The following MDN1 variants were observed in gnomAD, a reference collection of about 807,000 sequenced individuals.
The protein encoded by MDN1 is midasin.
MDN1 carries 266 observed loss-of-function variants against 669.2 expected under a neutral mutation model. The observed-to-expected ratio is 0.40, with a 90% CI of 0.36 to 0.44. The LOEUF is 0.44. Among genes scored for constraint, MDN1 ranks in the 20% least tolerant of loss-of-function variants. The pLI, the probability that MDN1 is intolerant of heterozygous loss-of-function variation, is 1.00. For missense variants in MDN1, 5,940 were observed against 6,754.0 expected, an observed-to-expected ratio of 0.88 and a Z score of 4.22; for synonymous variants, 2,385 against 2,457.1, an observed-to-expected ratio of 0.97 and a Z score of 0.87.
In MDN1 at chr6:89,712,169, A is replaced by G. The variant is rs558325658; in HGVS notation, c.7518T>C (p.Asn2506=). The G allele has an allele frequency of 6.2e-7, 1 of 1,614,162 alleles. No homozygotes were observed. Among genetic ancestry groups the G allele is most frequent in the South Asian group, 1.1e-5 (1 of 91,086 alleles). ...ENLKFNAVEV[N]TYWIDEPDVL... ...CATCTGGTTCATCGATCCAGTAAGT[A>G]TTCACTTCGACTGCATTGAATTTCA... The change falls in exon 49 of 102, where the codon AAT becomes AAC. Residue 2506 remains asparagine (N), a synonymous_variant. Transcript: ENST00000369393.
chr6:89,712,044 T>G lies in MDN1; in HGVS notation c.7643A>C (p.Gln2548Pro), dbSNP rs1269067292. Residue 2548 changes from glutamine to proline, a missense_variant, in exon 49 of 102, where the codon CAG becomes CCG. By Grantham distance (76) the Gln-to-Pro change is moderately conservative (BLOSUM62 -1). This residue lies in a region of MDN1 where 2,292 missense variants were observed against 2,638.3 expected (regional missense o/e 0.87). Coordinates refer to ENST00000369393, the MANE Select transcript of MDN1 (RefSeq NM_014611.3). Reference sequence around the variant, plus strand: ...TAAGCTGTTCTACTCACCAAGCCCCTGCGGTATATTCTTGGCTAAATGATA... The same window carrying G: ...TAAGCTGTTCTACTCACCAAGCCCCGGCGGTATATTCTTGGCTAAATGATA... ...WLYHLAKNIP[Q>P]GLESIQIHLE... 2 of 1,613,504 alleles carry G rather than the reference T, an allele frequency of 1.2e-6. No individual in the cohort carries two copies. The highest frequency in any genetic ancestry group is 1.7e-6 in the Non-Finnish European group (2 of 1,179,562).
chr6:89,714,427 C>T, intron 46 of MDN1, 116 bp downstream of exon 46: 1 of 976,082 alleles, frequency 1.0e-6, no homozygotes, highest in Non-Finnish European at 1.5e-6. Flanking sequence ...AACAAGCTTT[C>T]CTGATAATTT....
chr6:89,762,295 T>C (rs769910592), intron 16 of MDN1, 24 bp downstream of exon 16: 68 of 1,593,108 alleles, frequency 4.3e-5, no homozygotes, highest in Non-Finnish European at 5.5e-5. Flanking sequence ...CCCTCCCCCA[T>C]GGCAGCCTGG....
At chr6:89,791,217 C>T (rs903171172) in intron 5 of MDN1, among the ~76,000 whole-genome samples, 2 of 152,048 alleles carry the variant, frequency 1.3e-5, no homozygotes, top group South Asian at 2.1e-4. Context: ...GAAGAGCAAA[C>T]CTCATCTATT....
At chr6:89,788,506 T>C (rs1167071635) in intron 7 of MDN1, among the ~76,000 whole-genome samples, 1 of 152,170 alleles carries the variant, frequency 6.6e-6, no homozygotes, top group Non-Finnish European at 1.5e-5. Flanking sequence ...CTAAAAGCCA[T>C]GGCACAAGAA....
At chr6:89,819,101 T>G (rs1427420726) in intron 1 of MDN1, among the ~76,000 whole-genome samples, 1 of 152,200 alleles carries the variant, frequency 6.6e-6, no homozygotes, top group Non-Finnish European at 1.5e-5. Context: ...TCAGTATTTG[T>G]CGATGGTTCC....
intron 83 of MDN1, among the ~76,000 whole-genome samples, chr6:89,670,535 G>GCT: frequency 6.6e-6 from 1 of 152,034 alleles, no homozygotes; most frequent in Admixed American, 6.6e-5. Context: ...CACCAACATG[G>GCT]TTAAAAGAAA....
rs551674557 is a variant in MDN1 at position 89,669,430 on chromosome 6, T to C, written c.13957-1279A>G. Among the ~76,000 whole-genome samples the C allele has an allele frequency of 2.0e-5, 3 of 152,326 alleles. No homozygotes were observed. In the East Asian group the frequency reaches 5.8e-4, roughly 29 times the overall value. On this transcript the variant is annotated intron_variant, in intron 83 of 101. Transcript: ENST00000369393. ...TACTGTTACTTATCATTACTACAGA[T>C]AAACATATTTATCCTCTTGATACAA...
At chr6:89,757,454 T>C (rs1435989812) in intron 19 of MDN1, among the ~76,000 whole-genome samples, 1 of 152,216 alleles carries the variant, frequency 6.6e-6, no homozygotes, top group Non-Finnish European at 1.5e-5. Flanking sequence ...CAATATCCAC[T>C]GTCATACTAA....
intron 18 of MDN1, 70 bp downstream of exon 18, chr6:89,758,746 C>A (rs6937244): frequency 0.82 from 1,250,720 of 1,522,350 alleles, 514,889 homozygotes; most frequent in East Asian, 0.92. Flanking sequence ...ACAACAACAA[C>A]AAAAAATCTC....
At chr6:89,758,992 G>A (rs1233284133) in intron 17 of MDN1, 32 bp from the exon 18 acceptor site, 1 of 1,603,260 alleles carries the variant, frequency 6.2e-7, no homozygotes. Context: ...TGTTAACAAT[G>A]TGTCAAATAA....
At chr6:89,781,164 C>T (rs1487697846) in intron 10 of MDN1, 18 of 546,098 alleles carry the variant, frequency 3.3e-5, no homozygotes, top group Non-Finnish European at 5.2e-5. Context: ...TTACCCTAAT[C>T]GAGCCTTCCC....
At chr6:89,648,000 T>A in intron 99 of MDN1, 32 bp downstream of exon 99, 1 of 1,498,002 alleles carries the variant, frequency 6.7e-7, no homozygotes, top group South Asian at 1.1e-5. Flanking sequence ...TAAAAATAAC[T>A]GTGCAGAAGA....
chr6:89,695,455 A>T lies in MDN1; in HGVS notation c.9771+150T>A, dbSNP rs1485416473. On this transcript the variant is annotated intron_variant, in intron 61 of 101. Coordinates refer to ENST00000369393, the MANE Select transcript of MDN1 (RefSeq NM_014611.3). This position sits in a 1 kb window ranked among gnomAD's most constrained non-coding sequence, Gnocchi z 4.1. The stretch of plus-strand genomic sequence containing the variant: ...CTCAAAGGGGAAAATACAGTCTCTA[A>T]AACAGACTCCTGGGAAGTCATAAGG... 2.0e-6 allele frequency: 2 copies of T among 990,582 alleles called. No homozygotes were observed. Among genetic ancestry groups the T allele is most frequent in the Non-Finnish European group, 2.9e-6 (2 of 688,022 alleles). The allele number at this position is 990,582 out of a possible 1,614,324, so 61.4% of individuals were successfully genotyped here. A position where few individuals can be genotyped will look rare whatever the true frequency, so the allele number is the denominator to read the frequency against.
At chr6:89,718,121 G>T (rs769568824) in intron 43 of MDN1, among the ~76,000 whole-genome samples, 25 of 152,094 alleles carry the variant, frequency 1.6e-4, no homozygotes, top group Non-Finnish European at 3.4e-4. Flanking sequence ...TATCATTATA[G>T]GTGATTACAC....
At position 89,655,853 on chromosome 6, in the gene MDN1, G is replaced by C; in HGVS notation, c.15401C>G (p.Pro5134Arg). The C allele has an allele frequency of 2.5e-6, 4 of 1,614,096 alleles. No homozygotes were observed. The highest frequency in any genetic ancestry group is 3.4e-6 in the Non-Finnish European group (4 of 1,180,022). Reference sequence around the variant, plus strand: ...CACCTGGGCCTGGGGCTGCTGAGCTGGCCCCTGCTCGGCATGGCTGTCCGT... The same window carrying C: ...CACCTGGGCCTGGGGCTGCTGAGCTCGCCCCTGCTCGGCATGGCTGTCCGT... ...VDTDSHAEQG[P>R]AQQPQAQVED... The change falls in exon 92 of 102, where the codon CCA becomes CGA. Residue 5134 changes from proline to arginine, a missense_variant. This residue lies in a region of MDN1 where 2,280 missense variants were observed against 2,576.3 expected (regional missense o/e 0.88). Transcript: ENST00000369393.
chr6:89,742,372 C>T (rs146837882), intron 31 of MDN1, among the ~76,000 whole-genome samples: 94 of 152,312 alleles, frequency 6.2e-4, no homozygotes, highest in Middle Eastern at 3.4e-3. Flanking sequence ...CACACCACTG[C>T]ACTCCAGCCT....
In MDN1 at chr6:89,712,440, G is replaced by A. The variant is rs1336085915; in HGVS notation, c.7430+135C>T. 1.3e-5 allele frequency: 13 copies of A among 1,027,980 alleles called. No individual in the cohort carries two copies. The East Asian group carries it at 3.1e-4, about 25-fold the overall frequency. 63.7% of individuals were successfully genotyped at this position (1,027,980 alleles called of 1,614,324 possible). On this transcript the variant is annotated intron_variant, in intron 48 of 101. Transcript: ENST00000369393. ...AATCAATAGGGAGCAATATCACAATGAACAATAAAACTATGACAGCTACAC... is the reference window on the plus strand; with the variant it reads ...AATCAATAGGGAGCAATATCACAATAAACAATAAAACTATGACAGCTACAC...
chr6:89,817,447 C>G (rs1006042602), intron 1 of MDN1, among the ~76,000 whole-genome samples: 12 of 152,170 alleles, frequency 7.9e-5, no homozygotes, highest in African/African-American at 2.9e-4. Context: ...GACATACTCT[C>G]AATCAACTAC....
Sources: allele counts gnomAD v4.1 joint callset (sites outside exome capture counted in the v4.1 genomes callset), GRCh38; gene constraint gnomAD v4.1.1; regional missense constraint gnomAD v4.1.1; non-coding constraint Gnocchi (gnomAD v3.1); transcripts MANE v1.5; gene names NCBI Gene and HGNC (gene_info 2026-07-23, HGNC 2026-07-21).